The following SDK1 variants were observed in gnomAD, a reference collection of about 807,000 sequenced individuals.
The protein encoded by SDK1 is sidekick cell adhesion molecule 1.
Under a neutral mutation model 245.5 loss-of-function variants are expected in SDK1, and 157 were observed. That is an observed-to-expected ratio of 0.64 (90% CI 0.56 to 0.73). The LOEUF is 0.73. SDK1 is among the 30% of genes least tolerant of loss of function. The pLI is 0.00. For missense variants in SDK1, 3,583 were observed against 3,002.3 expected, an observed-to-expected ratio of 1.19 and a Z score of -4.52; for synonymous variants, 1,647 against 1,278.5, an observed-to-expected ratio of 1.29 and a Z score of -6.15.
intron 38 of SDK1, 42 bp from the exon 39 acceptor site, chr7:4,220,067 C>T (rs1460014798): frequency 6.3e-7 from 1 of 1,596,510 alleles, no homozygotes; most frequent in Admixed American, 1.7e-5. Context: ...GTTGCTTCTC[C>T]AGGCTGAACC....
intron 44 of SDK1, among the ~76,000 whole-genome samples, chr7:4,259,809 A>G (rs1787864101): frequency 6.6e-6 from 1 of 152,164 alleles, no homozygotes; most frequent in Non-Finnish European, 1.5e-5. Flanking sequence ...CGGATCCTAG[A>G]GAGAAGCCTG....
chr7:3,902,724 C>A (rs1279199537), intron 5 of SDK1, among the ~76,000 whole-genome samples: 1 of 152,214 alleles, frequency 6.6e-6, no homozygotes, highest in Non-Finnish European at 1.5e-5. Context: ...CCTTCCCTGT[C>A]CATGCCTTGT....
At chr7:3,578,595 C>G (rs1352413602) in intron 1 of SDK1, among the ~76,000 whole-genome samples, 2 of 151,914 alleles carry the variant, frequency 1.3e-5, no homozygotes, top group African/African-American at 4.8e-5. Context: ...AAGACAGACA[C>G]TCCCACAGCA....
intron 1 of SDK1, among the ~76,000 whole-genome samples, chr7:3,579,081 C>G (rs996199079): frequency 6.6e-6 from 1 of 151,940 alleles, no homozygotes; most frequent in African/African-American, 2.4e-5. Context: ...CCCTGACTTC[C>G]TGCAACAACT....
intron 5 of SDK1, among the ~76,000 whole-genome samples, chr7:3,918,334 G>A (rs544707553): frequency 4.5e-4 from 68 of 152,178 alleles, no homozygotes; most frequent in African/African-American, 1.4e-3. Context: ...TGCTCCCATC[G>A]CTGGCATTAC....
In SDK1 at chr7:4,017,996, A is replaced by G. The variant is rs1034566946; in HGVS notation, c.2602+644A>G. 9.9e-5 allele frequency among the ~76,000 whole-genome samples: 15 copies of G among 152,266 alleles called. No homozygotes were observed. In the East Asian group the frequency reaches 2.5e-3, roughly 25 times the overall value. ...TCCTCCGCTGTTTTCTGAAAGATTCAGATCTCAGCCCCAGGAGGAGCCAGC... is the reference window on the plus strand; with the variant it reads ...TCCTCCGCTGTTTTCTGAAAGATTCGGATCTCAGCCCCAGGAGGAGCCAGC... On this transcript the variant is annotated intron_variant, in intron 17 of 44. Transcript: ENST00000404826.
intron 4 of SDK1, among the ~76,000 whole-genome samples, chr7:3,678,540 A>G (rs1327648323): frequency 6.6e-6 from 1 of 152,190 alleles, no homozygotes; most frequent in Non-Finnish European, 1.5e-5. Flanking sequence ...AAGAACACCC[A>G]TTGTGTGGTT....
At chr7:3,776,139 C>G (rs2115005749) in intron 4 of SDK1, among the ~76,000 whole-genome samples, 1 of 152,322 alleles carries the variant, frequency 6.6e-6, no homozygotes, top group Admixed American at 6.5e-5. Flanking sequence ...CAGTAACTAT[C>G]TGTTGAATGA....
rs369964794 is a variant in SDK1 at position 4,152,251 on chromosome 7, C to T, written c.4625+2788C>T. On this transcript the variant is annotated intron_variant, in intron 30 of 44. Transcript: ENST00000404826. ...ATCTCACTTGCCCTTTGAGCTACAGCAACAGAACTCGAGGGGCACAGCTCT... is the reference window on the plus strand; with the variant it reads ...ATCTCACTTGCCCTTTGAGCTACAGTAACAGAACTCGAGGGGCACAGCTCT... 2.5e-3 allele frequency among the ~76,000 whole-genome samples: 376 copies of T among 152,288 alleles called. 16 individuals carry two copies. The South Asian group carries it at 0.073, about 30-fold the overall frequency.
At position 4,266,590 on chromosome 7, in the gene SDK1, T is replaced by C; in HGVS notation, c.*1206T>C. 1.0e-6 allele frequency: 1 copy of C among 985,254 alleles called. No individual in the cohort carries two copies. The highest frequency in any genetic ancestry group is 1.2e-6 in the Non-Finnish European group (1 of 829,766). 61.0% of individuals were successfully genotyped at this position (985,254 alleles called of 1,614,324 possible). On this transcript the variant is annotated 3_prime_UTR_variant, in exon 45 of 45. Coordinates refer to ENST00000404826, the MANE Select transcript of SDK1 (RefSeq NM_152744.4). ...AAATGTTTCTTTTTTTTATTTAAAA[T>C]TGTCATTGTTTGGTTTAAATTTTTC...
At chr7:3,523,960 G>T (rs948811596) in intron 1 of SDK1, among the ~76,000 whole-genome samples, 2 of 152,144 alleles carry the variant, frequency 1.3e-5, no homozygotes, top group Non-Finnish European at 2.9e-5. Context: ...TCTCCTTTGA[G>T]TCTGGATCCT....
chr7:4,044,504 C>T (rs1040884382), intron 17 of SDK1, among the ~76,000 whole-genome samples: 1 of 152,128 alleles, frequency 6.6e-6, no homozygotes, highest in South Asian at 2.1e-4. Flanking sequence ...AGTGCAGTGG[C>T]AGGAGCATAG....
chr7:4,057,265 C>T (rs1056173514), intron 19 of SDK1, among the ~76,000 whole-genome samples: 1 of 152,192 alleles, frequency 6.6e-6, no homozygotes, highest in Non-Finnish European at 1.5e-5. Flanking sequence ...CTTGCTCAGC[C>T]TCCCCCAGTA....
In SDK1 at chr7:3,974,357, C is replaced by T. The variant is rs372547371; in HGVS notation, c.1818-12C>T. 6 of 1,606,874 alleles carry T rather than the reference C, an allele frequency of 3.7e-6. No individual in the cohort carries two copies. The African/African-American group carries it at 8.0e-5, about 21-fold the overall frequency. On this transcript the variant is annotated splice_polypyrimidine_tract_variant and intron_variant, in intron 12 of 44. Coordinates refer to ENST00000404826, the MANE Select transcript of SDK1 (RefSeq NM_152744.4). ...GGGGTTTGTAACTCAAGACCCTTTG[C>T]TTGGCCCACAGCTACGTTTGGAAGA...
intron 4 of SDK1, among the ~76,000 whole-genome samples, chr7:3,749,442 G>A (rs1438092489): frequency 6.6e-6 from 1 of 152,202 alleles, no homozygotes; most frequent in Non-Finnish European, 1.5e-5. Flanking sequence ...TGGGATTACA[G>A]GCGTGTACCA....
At chr7:4,236,529 G>A (rs1161397134) in intron 41 of SDK1, among the ~76,000 whole-genome samples, 1 of 152,094 alleles carries the variant, frequency 6.6e-6, no homozygotes, top group Non-Finnish European at 1.5e-5. Context: ...CTGTGGAGGG[G>A]CCAACAGGTA....
intron 5 of SDK1, among the ~76,000 whole-genome samples, chr7:3,901,195 CT>C (rs1011645073): frequency 6.7e-6 from 1 of 148,978 alleles, no homozygotes; most frequent in Non-Finnish European, 1.5e-5. Context: ...TTTCTTTTTT[CT>C]TTTTTTTTCC....
At chr7:3,390,669 G>A (rs974344878) in intron 1 of SDK1, among the ~76,000 whole-genome samples, 7 of 152,102 alleles carry the variant, frequency 4.6e-5, no homozygotes, top group Non-Finnish European at 7.4e-5. Flanking sequence ...GCAGATAGAC[G>A]CAGATATTGG....
In SDK1 at chr7:3,780,726, C is replaced by G. The variant is rs918610375; in HGVS notation, c.714-40724C>G. On this transcript the variant is annotated intron_variant, in intron 4 of 44. Transcript: ENST00000404826. Reference sequence around the variant, plus strand: ...CCACCTAGCTAGAAAGCCCACCCAACCACCCTGTGCAGGCAGAGACTCCCA... The same window carrying G: ...CCACCTAGCTAGAAAGCCCACCCAAGCACCCTGTGCAGGCAGAGACTCCCA... Among the ~76,000 whole-genome samples, 5 of 152,050 alleles carry G rather than the reference C, an allele frequency of 3.3e-5. No homozygotes were observed. The East Asian group carries it at 7.8e-4, about 24-fold the overall frequency.
Sources: gnomAD v4.1 joint callset for allele counts (sites outside exome capture counted in the v4.1 genomes callset) on GRCh38, gnomAD v4.1.1 for gene constraint, MANE v1.5 for transcripts, NCBI Gene and HGNC (gene_info 2026-07-23, HGNC 2026-07-21) for gene names.